FSHR: variants seen among roughly 807,000 people sequenced by gnomAD.
FSHR encodes follicle-stimulating hormone receptor.
Under a neutral mutation model 52.1 loss-of-function variants are expected in FSHR, and 46 were observed. The ratio of observed to expected loss-of-function variants is 0.88; its 90% confidence interval spans 0.70 to 1.13. The LOEUF is 1.13. Among genes scored for constraint, FSHR ranks in the 50% most tolerant of loss-of-function variants. FSHR has a pLI of 0.00. For missense variants in FSHR, 964 were observed against 834.6 expected (o/e 1.16, Z -1.91); for synonymous variants, 399 against 309.6 (o/e 1.29, Z -3.03).
chr2:49,148,597 A>G (rs1180432988), intron 1 of FSHR, among the ~76,000 whole-genome samples: 1 of 152,050 alleles, frequency 6.6e-6, no homozygotes, highest in Non-Finnish European at 1.5e-5. Flanking sequence ...GAAAAATTAA[A>G]CGCAAGGCAA....
intron 1 of FSHR, among the ~76,000 whole-genome samples, chr2:49,149,298 A>G (rs1672978119): frequency 6.6e-6 from 1 of 152,030 alleles, no homozygotes; most frequent in South Asian, 2.1e-4. Flanking sequence ...TATAGTCTAT[A>G]CTTCAGAACC....
intron 1 of FSHR, among the ~76,000 whole-genome samples, chr2:49,106,265 C>T (rs543497672): frequency 1.3e-5 from 2 of 152,062 alleles, no homozygotes; most frequent in African/African-American, 2.4e-5. Flanking sequence ...CAAGGGCACA[C>T]TTATACCTAG....
intron 2 of FSHR, among the ~76,000 whole-genome samples, chr2:49,041,272 T>C (rs1289936524): frequency 6.6e-6 from 1 of 152,172 alleles, no homozygotes; most frequent in Non-Finnish European, 1.5e-5. Flanking sequence ...TCATTTGTGA[T>C]GAGTATGGAT....
chr2:48,963,144 G>C lies in FSHR; in HGVS notation c.1677C>G (p.Pro559=). Residue 559 remains proline, a synonymous_variant, in exon 10 of 10, where the codon CCC becomes CCG. Coordinates refer to ENST00000406846, the MANE Select transcript of FSHR (RefSeq NM_000145.4). ...YIHIYLTVRN[P]NIVSSSSDTR... ...TGTCACTAGAGGAGGACACGATGTTGGGGTTCCGCACTGTGAGGTAGATGT... is the reference window on the plus strand; with the variant it reads ...TGTCACTAGAGGAGGACACGATGTTCGGGTTCCGCACTGTGAGGTAGATGT... 2 of 1,614,102 alleles carry C rather than the reference G, an allele frequency of 1.2e-6. No individual in the cohort carries two copies. The highest frequency in any genetic ancestry group is 8.5e-7 in the Non-Finnish European group (1 of 1,180,010).
intron 2 of FSHR, among the ~76,000 whole-genome samples, chr2:49,051,742 C>G (rs945776268): frequency 1.3e-5 from 2 of 151,802 alleles, no homozygotes; most frequent in Non-Finnish European, 1.5e-5. Flanking sequence ...TTATTTTATG[C>G]TTAATGTGTT....
At chr2:49,011,814 C>A (rs1252519285) in intron 4 of FSHR, among the ~76,000 whole-genome samples, 1 of 152,126 alleles carries the variant, frequency 6.6e-6, no homozygotes, top group Non-Finnish European at 1.5e-5. Context: ...TCCCTACCCT[C>A]TGTCCCCTTG....
At position 49,061,602 on chromosome 2, in the gene FSHR, A is replaced by C. The variant is rs1669293595; in HGVS notation, c.224+6617T>G. 7.7e-5 allele frequency among the ~76,000 whole-genome samples: 9 copies of C among 116,782 alleles called. 1 individual carries two copies. In the South Asian group the frequency reaches 2.5e-3, roughly 32 times the overall value. The allele number at this position is 116,782 out of a possible 152,430, so 76.6% of individuals were successfully genotyped here. ...GATATATATCTATATATCTAAATGT[A>C]TATATATTTAGATATATAAAAATAC... On this transcript the variant is annotated intron_variant, in intron 2 of 9. Transcript: ENST00000406846.
intron 8 of FSHR, among the ~76,000 whole-genome samples, chr2:48,976,664 G>A (rs1338514595): frequency 6.6e-6 from 1 of 152,142 alleles, no homozygotes; most frequent in Non-Finnish European, 1.5e-5. Context: ...TTCTGAACTT[G>A]TTATTGGTCT....
chr2:48,989,271 G>GTTTTTTTT (rs1675658678), intron 5 of FSHR, among the ~76,000 whole-genome samples: 2 of 103,430 alleles, frequency 1.9e-5, no homozygotes, highest in African/African-American at 7.2e-5. Context: ...GACATTCAGT[G>GTTTTTTTT]TCTTTTTTTT....
chr2:49,019,673 T>C (rs1384158915), intron 3 of FSHR, among the ~76,000 whole-genome samples: 1 of 152,242 alleles, frequency 6.6e-6, no homozygotes, highest in Non-Finnish European at 1.5e-5. Flanking sequence ...CTCAGATAGT[T>C]ATCTATCTTG....
At chr2:49,064,593 T>C (rs1401154513) in intron 2 of FSHR, among the ~76,000 whole-genome samples, 1 of 152,082 alleles carries the variant, frequency 6.6e-6, no homozygotes, top group Non-Finnish European at 1.5e-5. Flanking sequence ...TAGTCTGCAG[T>C]ATTTTGTTAT....
chr2:49,043,514 T>C (rs926796969), intron 2 of FSHR, among the ~76,000 whole-genome samples: 11 of 152,316 alleles, frequency 7.2e-5, no homozygotes, highest in African/African-American at 2.6e-4. Flanking sequence ...GAGACCTCAC[T>C]TGACAATGGC....
At chr2:49,149,772 C>A (rs953547) in intron 1 of FSHR, among the ~76,000 whole-genome samples, 1 of 151,470 alleles carries the variant, frequency 6.6e-6, no homozygotes, top group African/African-American at 2.4e-5. Context: ...GGAATGTAAG[C>A]CAAAGAAAGA....
intron 1 of FSHR, among the ~76,000 whole-genome samples, chr2:49,146,487 A>G (rs1672875759): frequency 6.6e-6 from 1 of 151,994 alleles, no homozygotes; most frequent in African/African-American, 2.4e-5. Context: ...AAACCCCTCA[A>G]CAAGTTGAAA....
At chr2:48,972,705 C>T (rs1447639838) in intron 8 of FSHR, among the ~76,000 whole-genome samples, 1 of 152,114 alleles carries the variant, frequency 6.6e-6, no homozygotes, top group African/African-American at 2.4e-5. Flanking sequence ...TCAGGACTCC[C>T]TCCAAGAAAT....
At chr2:48,977,808 A>C (rs912693547) in intron 8 of FSHR, among the ~76,000 whole-genome samples, 1 of 152,164 alleles carries the variant, frequency 6.6e-6, no homozygotes, top group African/African-American at 2.4e-5. Context: ...GATGCCCTCA[A>C]TGAGTGCTTG....
chr2:49,098,007 C>T (rs1371953950), intron 1 of FSHR, among the ~76,000 whole-genome samples: 1 of 152,022 alleles, frequency 6.6e-6, no homozygotes, highest in Non-Finnish European at 1.5e-5. Context: ...ATCATTCATT[C>T]ATCCAATAAA....
In FSHR at chr2:49,138,963, G is replaced by T. The variant is rs549948523; in HGVS notation, c.152+15303C>A. Among the ~76,000 whole-genome samples, 3 of 152,286 alleles carry T rather than the reference G, an allele frequency of 2.0e-5. No individual in the cohort carries two copies. The East Asian group carries it at 5.8e-4, about 29-fold the overall frequency. ...TGTGGGGTATGAGATAAAGGTGGTA[G>T]TGGGAGGTCGTCTGTGCAATAGCAA... On this transcript the variant is annotated intron_variant, in intron 1 of 9. Coordinates refer to ENST00000406846, the MANE Select transcript of FSHR (RefSeq NM_000145.4).
In FSHR at chr2:48,963,004, T is replaced by G. The variant is rs1299487465; in HGVS notation, c.1817A>C (p.Lys606Thr). The G allele has an allele frequency of 6.2e-7, 1 of 1,613,906 alleles. No individual in the cohort carries two copies. Among genetic ancestry groups the G allele is most frequent in the African/African-American group, 1.3e-5 (1 of 74,868 alleles). ...SLKVPLITVS[K>T]AKILLVLFHP... ...AAACAGAACCAGCAGAATCTTTGCTTTGGACACAGTGATGAGGGGCACCTT... is the reference window on the plus strand; with the variant it reads ...AAACAGAACCAGCAGAATCTTTGCTGTGGACACAGTGATGAGGGGCACCTT... Residue 606 changes from lysine (K) to threonine (T), a missense_variant, in exon 10 of 10, where the codon AAA becomes ACA. Transcript: ENST00000406846.
Sources: gnomAD v4.1 joint callset for allele counts (sites outside exome capture counted in the v4.1 genomes callset) on GRCh38, gnomAD v4.1.1 for gene constraint, MANE v1.5 for transcripts, NCBI Gene and HGNC (gene_info 2026-07-23, HGNC 2026-07-21) for gene names.